The following CACNA2D2 variants were observed in gnomAD, a reference collection of about 807,000 sequenced individuals.
CACNA2D2 encodes the protein voltage-dependent calcium channel subunit alpha-2/delta-2.
In CACNA2D2, 48 loss-of-function variants were observed where a neutral mutation model predicts 166.4. That is an observed-to-expected ratio of 0.29 (90% CI 0.23 to 0.37). The LOEUF is 0.37. Ranked by LOEUF, CACNA2D2 falls within the 10% of genes least tolerant of loss-of-function variation. CACNA2D2 has a pLI of 1.00. For missense variants in CACNA2D2, 1,122 were observed against 1,433.0 expected, an observed-to-expected ratio of 0.78 and a Z score of 3.50; for synonymous variants, 561 against 573.7, an observed-to-expected ratio of 0.98 and a Z score of 0.32.
At chr3:50,482,137 C>T (rs935530776) in intron 1 of CACNA2D2, among the ~76,000 whole-genome samples, 3 of 152,216 alleles carry the variant, frequency 2.0e-5, no homozygotes, top group African/African-American at 7.2e-5. Context: ...GCCACTCCCC[C>T]ATCCCAGCCT....
At chr3:50,434,872 C>T (rs996946849) in intron 2 of CACNA2D2, among the ~76,000 whole-genome samples, 1 of 152,254 alleles carries the variant, frequency 6.6e-6, no homozygotes, top group Non-Finnish European at 1.5e-5. Context: ...AAGATGCTCA[C>T]GCCCATGCAT....
At chr3:50,402,196 C>G (rs1706483084) in intron 3 of CACNA2D2, among the ~76,000 whole-genome samples, 2 of 152,208 alleles carry the variant, frequency 1.3e-5, no homozygotes, top group South Asian at 4.1e-4. Flanking sequence ...GGACAGGAGC[C>G]AAATGTGTCC....
At chr3:50,372,122 G>A (rs1433910763) in intron 22 of CACNA2D2, among the ~76,000 whole-genome samples, 1 of 152,072 alleles carries the variant, frequency 6.6e-6, no homozygotes, top group African/African-American at 2.4e-5. Context: ...TTGTAATGCT[G>A]TCCTCTCTCA....
rs769775074 is a variant in CACNA2D2 at position 50,394,089 on chromosome 3, C to T, written c.465+20G>A. The T allele has an allele frequency of 3.0e-5, 49 of 1,612,878 alleles. No homozygotes were observed. Among genetic ancestry groups the T allele is most frequent in the Non-Finnish European group, 4.2e-5 (49 of 1,178,876 alleles). On this transcript the variant is annotated intron_variant, in intron 4 of 37. Coordinates refer to ENST00000424201, the MANE Select transcript of CACNA2D2 (RefSeq NM_006030.4). ...GGATGGGCATGCCCTAAGTGCTGGG[C>T]AGGGTGCTGGGGTTCCTACCTTGAT...
Position 50,365,230 on chromosome 3 carries a change from GA to G in CACNA2D2, c.3099-47del. Reference sequence around the variant, plus strand: ...CGGGGCGTTGAGTTTGCCCCGCCCTGACCCACCCCCATCCTGCGGCCCCGCC... The same window carrying G: ...CGGGGCGTTGAGTTTGCCCCGCCCTGCCCACCCCCATCCTGCGGCCCCGCC... On this transcript the variant is annotated intron_variant, in intron 35 of 37. Transcript: ENST00000424201. This position sits in a 1 kb window ranked among gnomAD's most constrained non-coding sequence, Gnocchi z 4.5. 8.6e-7 allele frequency: 1 copy of G among 1,163,918 alleles called. No homozygotes were observed. Among genetic ancestry groups the G allele is most frequent in the Non-Finnish European group, 1.2e-6 (1 of 865,732 alleles). The allele number at this position is 1,163,918 out of a possible 1,614,324, so 72.1% of individuals were successfully genotyped here. A position where few individuals can be genotyped will look rare whatever the true frequency, so the allele number is the denominator to read the frequency against.
intron 1 of CACNA2D2, among the ~76,000 whole-genome samples, chr3:50,499,545 C>T (rs1426621566): frequency 6.6e-6 from 1 of 152,256 alleles, no homozygotes; most frequent in Admixed American, 6.5e-5. Context: ...GCAAAGTCTA[C>T]ACCTGACACC....
intron 2 of CACNA2D2, among the ~76,000 whole-genome samples, chr3:50,455,788 A>C (rs763663217): frequency 6.6e-6 from 1 of 152,202 alleles, no homozygotes; most frequent in Non-Finnish European, 1.5e-5. Context: ...AGCGATGGAA[A>C]GGCTTCCTCC....
chr3:50,392,584 C>G (rs1023547029), intron 4 of CACNA2D2, among the ~76,000 whole-genome samples: 1 of 152,198 alleles, frequency 6.6e-6, no homozygotes, highest in South Asian at 2.1e-4. Flanking sequence ...GCAGCCAGAG[C>G]CCTTTACTGC....
rs1359454293 is a variant in CACNA2D2, at chr3:50,365,421, G to A, written c.3033C>T (p.Thr1011=). ...TRESSCVMKQ[T]QYYFGSVNAS... ...CGTTTACCGAGCCGAAGTAGTACTG[G>A]GTCTGTTTCATGACGCAGCTGCTCT... The change falls in exon 35 of 38, where the codon ACC becomes ACT. Residue 1011 remains threonine (T), a synonymous_variant. Coordinates refer to ENST00000424201, the MANE Select transcript of CACNA2D2 (RefSeq NM_006030.4). The surrounding 1 kb of genome is among the most constrained non-coding windows in gnomAD (Gnocchi z 4.5). 1 of 1,613,550 alleles carries A rather than the reference G, an allele frequency of 6.2e-7. No individual in the cohort carries two copies.
intron 3 of CACNA2D2, among the ~76,000 whole-genome samples, chr3:50,412,377 TTTC>T (rs1180376197): frequency 6.6e-6 from 1 of 152,190 alleles, no homozygotes; most frequent in African/African-American, 2.4e-5. Context: ...AAACGAGACA[TTTC>T]TTATTGAGAT....
At chr3:50,464,854 T>G (rs544223866) in intron 2 of CACNA2D2, among the ~76,000 whole-genome samples, 1 of 152,302 alleles carries the variant, frequency 6.6e-6, no homozygotes, top group African/African-American at 2.4e-5. Flanking sequence ...CACCACTGCC[T>G]CCTCCTCTAG....
chr3:50,410,482 G>GGGC (rs1553739112), intron 3 of CACNA2D2, among the ~76,000 whole-genome samples: 2 of 93,812 alleles, frequency 2.1e-5, no homozygotes, highest in Non-Finnish European at 4.4e-5. Flanking sequence ...CCCTGGGATG[G>GGGC]GGGGGGGGGT....
intron 1 of CACNA2D2, among the ~76,000 whole-genome samples, chr3:50,491,916 C>T (rs977480609): frequency 6.6e-6 from 1 of 152,208 alleles, no homozygotes; most frequent in Non-Finnish European, 1.5e-5. Context: ...GGACACTGTC[C>T]AGCCCAGACC....
At chr3:50,445,583 G>A (rs562547270) in intron 2 of CACNA2D2, among the ~76,000 whole-genome samples, 5 of 152,096 alleles carry the variant, frequency 3.3e-5, no homozygotes, top group Non-Finnish European at 5.9e-5. Context: ...GAACAAGTCG[G>A]AAGCATAAAT....
At chr3:50,486,900 A>G (rs916779897) in intron 1 of CACNA2D2, among the ~76,000 whole-genome samples, 1 of 152,220 alleles carries the variant, frequency 6.6e-6, no homozygotes, top group Non-Finnish European at 1.5e-5. Flanking sequence ...AGTAGAAGAC[A>G]GGCTGGAGGA....
chr3:50,376,934 C>T lies in CACNA2D2; in HGVS notation c.1626+533G>A, dbSNP rs1158800962. 1.3e-5 allele frequency among the ~76,000 whole-genome samples: 2 copies of T among 152,244 alleles called. No homozygotes were observed. The highest frequency in any genetic ancestry group is 3.8e-4 in the East Asian group (2 of 5,196). On this transcript the variant is annotated intron_variant, in intron 17 of 37. Transcript: ENST00000424201. The surrounding 1 kb of genome is among the most constrained non-coding windows in gnomAD (Gnocchi z 4.3). ...TGGGCCCTTGGCCAGAGAATTCCCT[C>T]TGCCTCCAATGTACGCCATCCCCTC...
chr3:50,454,394 C>T (rs1709254589), intron 2 of CACNA2D2, among the ~76,000 whole-genome samples: 1 of 152,196 alleles, frequency 6.6e-6, no homozygotes, highest in Non-Finnish European at 1.5e-5. Context: ...ACTCACAGGC[C>T]CCTGGAGGGG....
Position 50,379,202 on chromosome 3 carries a change from G to A in CACNA2D2, c.1153-3C>T, listed in dbSNP as rs587772220. On this transcript the variant is annotated splice_region_variant and splice_polypyrimidine_tract_variant and intron_variant, in intron 11 of 37. Coordinates refer to ENST00000424201, the MANE Select transcript of CACNA2D2 (RefSeq NM_006030.4). This position sits in a 1 kb window ranked among gnomAD's most constrained non-coding sequence, Gnocchi z 6.5. ...CAGTTGGCCCGAGTGATGTTGGACT[G>A]AGGGGAGTGAGGCGGAGGCAGGCAG... The A allele has an allele frequency of 6.2e-7, 1 of 1,610,258 alleles. No homozygotes were observed. The highest frequency in any genetic ancestry group is 1.7e-5 in the Admixed American group (1 of 60,018).
At chr3:50,431,445 G>A (rs542580680) in intron 3 of CACNA2D2, among the ~76,000 whole-genome samples, 19 of 152,200 alleles carry the variant, frequency 1.2e-4, no homozygotes, top group African/African-American at 3.4e-4. Flanking sequence ...CTCAGTGCAC[G>A]CCTCAGGAAT....
Sources: allele counts gnomAD v4.1 joint callset (sites outside exome capture counted in the v4.1 genomes callset), GRCh38; gene constraint gnomAD v4.1.1; non-coding constraint Gnocchi (gnomAD v3.1); transcripts MANE v1.5; gene names NCBI Gene and HGNC (gene_info 2026-07-23, HGNC 2026-07-21).